PALLD: variants seen among roughly 807,000 people sequenced by gnomAD.
The protein encoded by PALLD is palladin, cytoskeletal associated protein, also known as palladin.
A neutral mutation model predicts 123.5 loss-of-function variants in PALLD; 61 were observed. That is an observed-to-expected ratio of 0.49 (90% CI 0.40 to 0.61). The LOEUF (loss-of-function observed/expected upper bound fraction) is 0.61. PALLD is among the 20% of genes least tolerant of loss of function. The pLI, the probability that PALLD is intolerant of heterozygous loss-of-function variation, is 0.00. For synonymous variants in PALLD, 465 were observed against 496.4 expected (o/e 0.94, Z 0.84); for missense variants, 1,273 against 1,377.0 (o/e 0.92, Z 1.20).
At chr4:168,900,631 T>C (rs1756303864) in intron 14 of PALLD, among the ~76,000 whole-genome samples, 1 of 152,200 alleles carries the variant, frequency 6.6e-6, no homozygotes, top group African/African-American at 2.4e-5. Context: ...TGTTCTTTTC[T>C]TAAAACTGAA....
intron 8 of PALLD, among the ~76,000 whole-genome samples, chr4:168,701,117 T>G (rs1783630075): frequency 6.6e-6 from 1 of 152,220 alleles, no homozygotes; most frequent in Non-Finnish European, 1.5e-5. Flanking sequence ...TTTAAGGTGG[T>G]CAAACTGATT....
At chr4:168,760,818 C>G (rs1458488506) in intron 10 of PALLD, among the ~76,000 whole-genome samples, 1 of 152,202 alleles carries the variant, frequency 6.6e-6, no homozygotes, top group African/African-American at 2.4e-5. Context: ...ACACTTATGC[C>G]TATTGTTTTT....
At chr4:168,818,889 A>G (rs906172772) in intron 10 of PALLD, among the ~76,000 whole-genome samples, 2 of 152,214 alleles carry the variant, frequency 1.3e-5, no homozygotes, top group East Asian at 3.8e-4. Context: ...AAAATTACAC[A>G]CTATCTGTAT....
intron 10 of PALLD, among the ~76,000 whole-genome samples, chr4:168,852,081 G>A (rs1410112686): frequency 2.0e-5 from 3 of 152,160 alleles, no homozygotes; most frequent in Non-Finnish European, 4.4e-5. Flanking sequence ...GGAGAAATGA[G>A]GGACTTAAAA....
chr4:168,691,362 A>G (rs751793848), intron 8 of PALLD, 70 bp downstream of exon 8: 10 of 1,270,202 alleles, frequency 7.9e-6, no homozygotes, highest in South Asian at 1.3e-5. Flanking sequence ...GGGTCTCAAT[A>G]GTTCTTTCTT....
intron 10 of PALLD, among the ~76,000 whole-genome samples, chr4:168,860,337 A>G (rs997720634): frequency 6.6e-6 from 1 of 152,212 alleles, no homozygotes; most frequent in Non-Finnish European, 1.5e-5. Flanking sequence ...TCGGACTCCC[A>G]GGTCTGGAGT....
rs1008829399 is a variant in PALLD at position 168,746,297 on chromosome 4, C to T, written c.1964+34374C>T. 7.7e-5 allele frequency among the ~76,000 whole-genome samples: 11 copies of T among 142,822 alleles called. No individual in the cohort carries two copies. The East Asian group carries it at 1.5e-3, about 19-fold the overall frequency. The allele number at this position is 142,822 out of a possible 152,430, so 93.7% of individuals were successfully genotyped here. On this transcript the variant is annotated intron_variant, in intron 10 of 21. Transcript: ENST00000505667. ...TCAGGAGGCTGAGGCAGGAGAATGGCGTGAACCCGGGAGGCGGAGCTGGCA... is the reference window on the plus strand; with the variant it reads ...TCAGGAGGCTGAGGCAGGAGAATGGTGTGAACCCGGGAGGCGGAGCTGGCA...
intron 10 of PALLD, chr4:168,712,345 C>A: frequency 4.2e-6 from 1 of 236,532 alleles, no homozygotes; most frequent in South Asian, 8.0e-5. Flanking sequence ...TATAGACAAG[C>A]GGGGAAAGAC....
chr4:168,554,769 T>G (rs942450823), intron 2 of PALLD, among the ~76,000 whole-genome samples: 11 of 152,164 alleles, frequency 7.2e-5, no homozygotes, highest in African/African-American at 2.7e-4. Flanking sequence ...CTACCAGAAT[T>G]TAATTCTAGA....
chr4:168,660,786 CA>C (rs982108312), intron 2 of PALLD, among the ~76,000 whole-genome samples: 98 of 152,176 alleles, frequency 6.4e-4, no homozygotes, highest in African/African-American at 2.3e-3. Context: ...ATCTCCTCTC[CA>C]ACAAATTGAC....
At chr4:168,505,070 A>G (rs927113649) in intron 1 of PALLD, 4 of 152,234 alleles carry the variant, frequency 2.6e-5, no homozygotes, top group African/African-American at 9.6e-5. Context: ...GCTGACTGAC[A>G]TGGAAATCTC....
chr4:168,592,607 G>A (rs762878068), intron 2 of PALLD, among the ~76,000 whole-genome samples: 23 of 152,024 alleles, frequency 1.5e-4, no homozygotes, highest in Non-Finnish European at 3.1e-4. Context: ...CCACTGCATG[G>A]AGATCACCAA....
At chr4:168,609,030 A>G (rs17054390) in intron 2 of PALLD, among the ~76,000 whole-genome samples, 8,927 of 152,036 alleles carry the variant, frequency 0.059, 867 homozygotes, top group African/African-American at 0.2. Flanking sequence ...CCAAGGCCTT[A>G]AGAGCATTAC....
chr4:168,577,062 A>T (rs925187884), intron 2 of PALLD, among the ~76,000 whole-genome samples: 3 of 152,180 alleles, frequency 2.0e-5, no homozygotes, highest in Admixed American at 6.5e-5. Context: ...TGAACAATTC[A>T]TGAATCCGGC....
chr4:168,763,981 T>C (rs1259692588), intron 10 of PALLD, among the ~76,000 whole-genome samples: 1 of 152,226 alleles, frequency 6.6e-6, no homozygotes, highest in Non-Finnish European at 1.5e-5. Flanking sequence ...TATTTATTCA[T>C]ATGTGTATTC....
chr4:168,901,717 G>A (rs1756559395), intron 14 of PALLD, among the ~76,000 whole-genome samples: 2 of 152,182 alleles, frequency 1.3e-5, no homozygotes, highest in Admixed American at 1.3e-4. Flanking sequence ...CATTAGCTGA[G>A]CATGGAGGCG....
intron 2 of PALLD, among the ~76,000 whole-genome samples, chr4:168,586,866 T>TA (rs35775985): frequency 3.0e-4 from 46 of 151,558 alleles, no homozygotes; most frequent in Non-Finnish European, 5.6e-4. Context: ...TGAATTTCCT[T>TA]AAAAAAAAAT....
chr4:168,781,268 A>G (rs753263933), intron 10 of PALLD, among the ~76,000 whole-genome samples: 2 of 152,156 alleles, frequency 1.3e-5, no homozygotes, highest in Non-Finnish European at 2.9e-5. Flanking sequence ...GTTGAACAGG[A>G]TGATGTTTGA....
At chr4:168,863,605 A>G (rs538856686) in intron 10 of PALLD, among the ~76,000 whole-genome samples, 3 of 151,736 alleles carry the variant, frequency 2.0e-5, no homozygotes, top group Admixed American at 2.0e-4. Context: ...ATTTTGAAAG[A>G]CGATAGCATG....
Sources: gnomAD v4.1 joint callset for allele counts (sites outside exome capture counted in the v4.1 genomes callset) on GRCh38, gnomAD v4.1.1 for gene constraint, MANE v1.5 for transcripts, NCBI Gene and HGNC (gene_info 2026-07-23, HGNC 2026-07-21) for gene names.